The following NXPE2 variants were observed in gnomAD, a reference collection of about 807,000 sequenced individuals.
The protein encoded by NXPE2 is NXPE family member 2.
NXPE2 carries 34 observed loss-of-function variants against 34.4 expected under a neutral mutation model. The observed-to-expected ratio is 0.99, with a 90% CI of 0.75 to 1.31. The LOEUF (loss-of-function observed/expected upper bound fraction) is 1.31. Ranked by LOEUF, NXPE2 falls within the 40% of genes most tolerant of loss-of-function variation. The pLI, the probability that NXPE2 is intolerant of heterozygous loss-of-function variation, is 0.00. For missense variants in NXPE2, 649 were observed against 672.5 expected (o/e 0.97, Z 0.39); for synonymous variants, 235 against 231.3 (o/e 1.02, Z -0.15).
the NXPE2 span, among the ~76,000 whole-genome samples, chr11:114,632,072 G>A: frequency 7.6e-6 from 1 of 130,986 alleles, no homozygotes; most frequent in Admixed American, 8.1e-5. Flanking sequence ...GAATTGTATA[G>A]TATAATATTA....
intron 2 of NXPE2, among the ~76,000 whole-genome samples, chr11:114,696,001 C>T (rs933437958): frequency 6.7e-6 from 1 of 150,050 alleles, no homozygotes; most frequent in Non-Finnish European, 1.5e-5. Context: ...CTGGGTGACA[C>T]AGCGAGACTC....
chr11:114,666,891 A>G, the NXPE2 span, among the ~76,000 whole-genome samples: 3 of 152,120 alleles, frequency 2.0e-5, no homozygotes, highest in Non-Finnish European at 4.4e-5. Flanking sequence ...CATTCACAAT[A>G]CCCACACTTC....
the NXPE2 span, among the ~76,000 whole-genome samples, chr11:114,747,296 T>C: frequency 7.4e-6 from 1 of 135,192 alleles, no homozygotes; most frequent in South Asian, 2.4e-4. Flanking sequence ...GAACCTGCCA[T>C]CTCATAGCTA....
chr11:114,655,597 C>T, the NXPE2 span, among the ~76,000 whole-genome samples: 1 of 152,172 alleles, frequency 6.6e-6, no homozygotes, highest in Non-Finnish European at 1.5e-5. Flanking sequence ...TTCCCCATTG[C>T]TTGTTTTTGT....
At chr11:114,766,464 C>G in the NXPE2 span, among the ~76,000 whole-genome samples, 4 of 152,142 alleles carry the variant, frequency 2.6e-5, no homozygotes, top group Non-Finnish European at 5.9e-5. Flanking sequence ...GCCTCTTTCT[C>G]TAGAAATGCT....
chr11:114,667,529 A>G, the NXPE2 span, among the ~76,000 whole-genome samples: 3 of 152,156 alleles, frequency 2.0e-5, no homozygotes, highest in East Asian at 5.8e-4. Flanking sequence ...CTTGCTTCTA[A>G]CAAATATAAT....
the NXPE2 span, among the ~76,000 whole-genome samples, chr11:114,735,803 T>G: frequency 6.6e-6 from 1 of 152,216 alleles, no homozygotes; most frequent in African/African-American, 2.4e-5. Context: ...TGTAGCCTAG[T>G]GTTCCTACAT....
the NXPE2 span, among the ~76,000 whole-genome samples, chr11:114,755,690 A>G: frequency 2.4e-3 from 358 of 151,688 alleles, 2 homozygotes; most frequent in African/African-American, 8.3e-3. Context: ...CTGTCTGTCT[A>G]TCTATCCATC....
At chr11:114,793,566 T>C in the NXPE2 span, among the ~76,000 whole-genome samples, 2 of 152,204 alleles carry the variant, frequency 1.3e-5, no homozygotes, top group Non-Finnish European at 2.9e-5. Flanking sequence ...TGGCTTAACC[T>C]GGCCTTCTGC....
chr11:114,649,388 G>A, the NXPE2 span, among the ~76,000 whole-genome samples: 1 of 152,142 alleles, frequency 6.6e-6, no homozygotes, highest in African/African-American at 2.4e-5. Flanking sequence ...ACACAATGAA[G>A]TAATATTCAG....
the NXPE2 span, among the ~76,000 whole-genome samples, chr11:114,544,763 CT>C: frequency 6.6e-6 from 1 of 152,118 alleles, no homozygotes; most frequent in Non-Finnish European, 1.5e-5. Context: ...GTGAAAGACA[CT>C]GTTAAGAGGA....
At chr11:114,667,868 C>A in the NXPE2 span, among the ~76,000 whole-genome samples, 4 of 152,110 alleles carry the variant, frequency 2.6e-5, no homozygotes, top group East Asian at 5.8e-4. Flanking sequence ...ATAAGCCACT[C>A]CTAAGTTCTC....
At chr11:114,581,702 C>A in the NXPE2 span, 5 of 1,595,028 alleles carry the variant, frequency 3.1e-6, no homozygotes, top group Non-Finnish European at 4.3e-6. Flanking sequence ...TAGGCACCAC[C>A]CACCAAACAC....
At chr11:114,515,081 T>C in the NXPE2 span, among the ~76,000 whole-genome samples, 1 of 152,034 alleles carries the variant, frequency 6.6e-6, no homozygotes, top group African/African-American at 2.4e-5. Flanking sequence ...ATAGTTTTGT[T>C]TTATTTTGTT....
chr11:114,520,256 C>T, the NXPE2 span, among the ~76,000 whole-genome samples: 1 of 152,184 alleles, frequency 6.6e-6, no homozygotes, highest in Non-Finnish European at 1.5e-5. Flanking sequence ...CCTACACCTC[C>T]CTGTTTTCTC....
chr11:114,551,287 T>G, the NXPE2 span: 1 of 1,323,602 alleles, frequency 7.6e-7, no homozygotes, highest in African/African-American at 1.5e-5. Context: ...ATTTATAACT[T>G]GTAATTTGCC....
the NXPE2 span, among the ~76,000 whole-genome samples, chr11:114,507,173 G>C: frequency 7.7e-6 from 1 of 130,194 alleles, no homozygotes; most frequent in Non-Finnish European, 1.6e-5. Context: ...ACTGAACCAG[G>C]AAAAAATTGA....
chr11:114,595,821 TG>T, the NXPE2 span: 4 of 152,334 alleles, frequency 2.6e-5, no homozygotes, highest in Non-Finnish European at 4.4e-5. Context: ...AGGAGGGGCC[TG>T]GATCACAAAC....
chr11:114,636,313 C>T, the NXPE2 span, among the ~76,000 whole-genome samples: 1 of 151,740 alleles, frequency 6.6e-6, no homozygotes, highest in African/African-American at 2.4e-5. Flanking sequence ...GGTGATATCC[C>T]CTTTATCATT....
Sources: gnomAD v4.1 joint callset for allele counts (sites outside exome capture counted in the v4.1 genomes callset) on GRCh38, gnomAD v4.1.1 for gene constraint, MANE v1.5 for transcripts, NCBI Gene and HGNC (gene_info 2026-07-23, HGNC 2026-07-21) for gene names.